The following HPSE2 variants were observed in gnomAD, a reference collection of about 807,000 sequenced individuals.
HPSE2 encodes inactive heparanase-2.
Under a neutral mutation model 60.5 loss-of-function variants are expected in HPSE2, and 38 were observed. That is an observed-to-expected ratio of 0.63 (90% CI 0.48 to 0.82). HPSE2 has a LOEUF of 0.82. Among genes scored for constraint, HPSE2 ranks in the 40% least tolerant of loss-of-function variants. The pLI, the probability that HPSE2 is intolerant of heterozygous loss-of-function variation, is 0.00. For synonymous variants in HPSE2, 295 were observed against 293.2 expected, an observed-to-expected ratio of 1.01 and a Z score of -0.06; for missense variants, 713 against 740.4, an observed-to-expected ratio of 0.96 and a Z score of 0.43.
intron 4 of HPSE2, among the ~76,000 whole-genome samples, chr10:98,725,615 C>A (rs540520176): frequency 0.012 from 1,828 of 152,206 alleles, 25 homozygotes; most frequent in African/African-American, 0.041. Flanking sequence ...AAAGCAATGG[C>A]AACAAAAGCC....
At chr10:99,268,290 A>G in the HPSE2 span, among the ~76,000 whole-genome samples, 1 of 152,192 alleles carries the variant, frequency 6.6e-6, no homozygotes, top group South Asian at 2.1e-4. Context: ...AAGAACTGCC[A>G]AAAGGAGCAC....
intron 9 of HPSE2, among the ~76,000 whole-genome samples, chr10:98,551,193 G>T (rs745441519): frequency 6.6e-6 from 1 of 152,062 alleles, no homozygotes; most frequent in Admixed American, 6.6e-5. Context: ...TTTTGTATGT[G>T]GGATTGGGTT....
At chr10:98,815,705 C>T (rs1301054722) in intron 3 of HPSE2, among the ~76,000 whole-genome samples, 4 of 152,090 alleles carry the variant, frequency 2.6e-5, no homozygotes, top group African/African-American at 9.7e-5. Context: ...AATCTGTCTG[C>T]CAGTAAATAT....
chr10:99,077,415 T>C (rs1264967532), intron 3 of HPSE2, among the ~76,000 whole-genome samples: 2 of 152,186 alleles, frequency 1.3e-5, no homozygotes, highest in East Asian at 3.9e-4. Context: ...CACTTGTTTT[T>C]CTTTTTGTTC....
the HPSE2 span, among the ~76,000 whole-genome samples, chr10:99,312,031 C>G: frequency 6.6e-6 from 1 of 152,268 alleles, no homozygotes; most frequent in African/African-American, 2.4e-5. Context: ...TAGCTCCCCT[C>G]AATTCTATGA....
chr10:98,617,430 A>T (rs912696398), intron 8 of HPSE2, among the ~76,000 whole-genome samples: 1 of 152,202 alleles, frequency 6.6e-6, no homozygotes, highest in Non-Finnish European at 1.5e-5. Flanking sequence ...ATAAATATCA[A>T]TTCATAAACC....
At chr10:98,601,607 C>A (rs1945428698) in intron 9 of HPSE2, among the ~76,000 whole-genome samples, 1 of 152,234 alleles carries the variant, frequency 6.6e-6, no homozygotes, top group Admixed American at 6.5e-5. Context: ...ACACAGGCAA[C>A]TAAGTTGTCA....
chr10:98,525,004 T>C (rs1942917798), intron 9 of HPSE2, among the ~76,000 whole-genome samples: 1 of 152,220 alleles, frequency 6.6e-6, no homozygotes, highest in African/African-American at 2.4e-5. Flanking sequence ...TTTTGGGACC[T>C]TTAATGGCAC....
intron 3 of HPSE2, among the ~76,000 whole-genome samples, chr10:99,089,871 C>T (rs766220080): frequency 4.4e-4 from 67 of 152,148 alleles, no homozygotes; most frequent in Admixed American, 5.2e-4. Flanking sequence ...TCATAGTTTT[C>T]CTTGTAGAGT....
chr10:98,458,413 C>T lies in HPSE2; in HGVS notation c.*1161G>A, dbSNP rs1195362336. 3 of 152,226 alleles carry T rather than the reference C, an allele frequency of 2.0e-5. No individual in the cohort carries two copies. The highest frequency in any genetic ancestry group is 2.9e-5 in the Non-Finnish European group (2 of 68,052). 9.4% of individuals were successfully genotyped at this position (152,226 alleles called of 1,614,324 possible). A position where few individuals can be genotyped will look rare whatever the true frequency, so the allele number is the denominator to read the frequency against. ...TCACACCTGCCCAACTCAGAAGCTT[C>T]CTACCTACCATTCCATAGTTTTGGC... On this transcript the variant is annotated 3_prime_UTR_variant, in exon 12 of 12. Coordinates refer to ENST00000370552, the MANE Select transcript of HPSE2 (RefSeq NM_021828.5).
intron 7 of HPSE2, among the ~76,000 whole-genome samples, chr10:98,631,414 A>G (rs1946361803): frequency 6.6e-6 from 1 of 152,208 alleles, no homozygotes; most frequent in South Asian, 2.1e-4. Context: ...AGTGAGAGAG[A>G]GATTGGAAAG....
intron 4 of HPSE2, among the ~76,000 whole-genome samples, chr10:98,725,932 T>C (rs1949065014): frequency 6.6e-6 from 1 of 152,138 alleles, no homozygotes; most frequent in Non-Finnish European, 1.5e-5. Context: ...AAAATCACAA[T>C]GAGATACCAT....
Position 98,701,834 on chromosome 10 carries a change from G to C in HPSE2, c.957-7887C>G, listed in dbSNP as rs1589669364. ...ACTAAATATGTAAAGGAAAAAACCA[G>C]TACCAGCCACTGCAAAAACATACCA... is the stretch of plus-strand genomic sequence containing the variant. On this transcript the variant is annotated intron_variant, in intron 5 of 11. Coordinates refer to ENST00000370552, the MANE Select transcript of HPSE2 (RefSeq NM_021828.5). Among the ~76,000 whole-genome samples the C allele has an allele frequency of 3.9e-5, 6 of 152,116 alleles. No individual in the cohort carries two copies. The South Asian group carries it at 1.2e-3, about 32-fold the overall frequency.
the HPSE2 span, among the ~76,000 whole-genome samples, chr10:99,282,601 C>T: frequency 6.6e-6 from 1 of 152,102 alleles, no homozygotes; most frequent in South Asian, 2.1e-4. Flanking sequence ...TTTTCCTGGA[C>T]AGACTGTAAG....
At chr10:98,663,871 C>T (rs1365232994) in intron 6 of HPSE2, among the ~76,000 whole-genome samples, 2 of 152,198 alleles carry the variant, frequency 1.3e-5, no homozygotes, top group East Asian at 3.9e-4. Context: ...AACAGTCAGA[C>T]TGATCCATTC....
At chr10:98,826,033 A>C (rs1951539211) in intron 3 of HPSE2, among the ~76,000 whole-genome samples, 2 of 152,220 alleles carry the variant, frequency 1.3e-5, no homozygotes, top group South Asian at 4.1e-4. Context: ...TGCAGCTGAC[A>C]GCATTCATTT....
chr10:98,961,634 G>T, intron 3 of HPSE2, among the ~76,000 whole-genome samples: 1 of 30,292 alleles, frequency 3.3e-5, no homozygotes, highest in Non-Finnish European at 5.6e-5. Context: ...TGTAGATTCT[G>T]GATATTAGCC....
intron 9 of HPSE2, among the ~76,000 whole-genome samples, chr10:98,605,801 A>G (rs753942350): frequency 2.0e-5 from 3 of 152,170 alleles, no homozygotes; most frequent in Non-Finnish European, 4.4e-5. Context: ...CAGTGGGTGG[A>G]CCATACCTCA....
intron 3 of HPSE2, among the ~76,000 whole-genome samples, chr10:99,106,224 G>A (rs1239437804): frequency 6.7e-6 from 1 of 149,590 alleles, no homozygotes. Flanking sequence ...ACAATATTGA[G>A]TTCTCCAATC....
Sources: allele counts gnomAD v4.1 joint callset (sites outside exome capture counted in the v4.1 genomes callset), GRCh38; gene constraint gnomAD v4.1.1; transcripts MANE v1.5; gene names NCBI Gene and HGNC (gene_info 2026-07-23, HGNC 2026-07-21).